DGKB: variants seen among roughly 807,000 people sequenced by gnomAD.
DGKB encodes the protein 90 kDa diacylglycerol kinase.
DGKB carries 67 observed loss-of-function variants against 114.3 expected under a neutral mutation model. That is an observed-to-expected ratio of 0.59 (90% CI 0.48 to 0.72). DGKB has a LOEUF of 0.72. DGKB is among the 30% of genes least tolerant of loss of function. DGKB has a pLI of 0.00. For synonymous variants in DGKB, 398 were observed against 323.1 expected, an observed-to-expected ratio of 1.23 and a Z score of -2.49; for missense variants, 907 against 975.2, an observed-to-expected ratio of 0.93 and a Z score of 0.93.
At chr7:14,558,315 T>C (rs763055882) in intron 20 of DGKB, among the ~76,000 whole-genome samples, 1 of 151,962 alleles carries the variant, frequency 6.6e-6, no homozygotes, top group African/African-American at 2.4e-5. Flanking sequence ...GTTCTAGAAA[T>C]GAAAGTTTAT....
chr7:14,294,556 C>T (rs1313447440), intron 23 of DGKB, among the ~76,000 whole-genome samples: 1 of 152,138 alleles, frequency 6.6e-6, no homozygotes, highest in South Asian at 2.1e-4. Flanking sequence ...GTGAGAGAAA[C>T]ATTCGGAGGA....
At chr7:14,253,056 G>A (rs1795464645) in intron 23 of DGKB, among the ~76,000 whole-genome samples, 2 of 150,842 alleles carry the variant, frequency 1.3e-5, no homozygotes, top group South Asian at 4.2e-4. Flanking sequence ...TTTTTTAGAG[G>A]GGGAGTCTCG....
At chr7:14,928,554 A>G (rs1261681168) in intron 1 of DGKB, among the ~76,000 whole-genome samples, 1 of 151,992 alleles carries the variant, frequency 6.6e-6, no homozygotes, top group Non-Finnish European at 1.5e-5. Flanking sequence ...GTTATCTGCA[A>G]TCTGTGTGCA....
intron 16 of DGKB, 139 bp downstream of exon 16, chr7:14,613,201 A>G (rs574627527): frequency 5.0e-6 from 3 of 595,114 alleles, no homozygotes; most frequent in African/African-American, 1.9e-5. Context: ...TCATATAAAC[A>G]TATTAAATGC....
intron 17 of DGKB, among the ~76,000 whole-genome samples, chr7:14,584,036 A>G (rs1448481085): frequency 6.6e-6 from 1 of 152,206 alleles, no homozygotes; most frequent in Non-Finnish European, 1.5e-5. Context: ...AATCTTTATT[A>G]CACACATATT....
chr7:14,883,277 T>TGCAAAG (rs1429375379), intron 1 of DGKB, among the ~76,000 whole-genome samples: 4 of 151,956 alleles, frequency 2.6e-5, no homozygotes, highest in Non-Finnish European at 5.9e-5. Context: ...TATATTTGTT[T>TGCAAAG]GCAAAGTTTT....
intron 1 of DGKB, among the ~76,000 whole-genome samples, chr7:14,922,622 T>C (rs1222520234): frequency 2.0e-5 from 3 of 152,124 alleles, no homozygotes; most frequent in East Asian, 1.9e-4. Flanking sequence ...CATTTCAGCA[T>C]GGTGTAGCCA....
rs558877920 is a variant in DGKB at position 14,955,755 on chromosome 7, C to T, written c.-188+18941G>A. ...CTGAAACAATGGTGCTGCTGATAAACGAAGCTGCTCTCTTTAGAGAAAACT... is the reference window on the plus strand; with the variant it reads ...CTGAAACAATGGTGCTGCTGATAAATGAAGCTGCTCTCTTTAGAGAAAACT... On this transcript the variant is annotated intron_variant, in intron 1 of 4. Transcript: ENST00000437998. Among the ~76,000 whole-genome samples, 7 of 152,136 alleles carry T rather than the reference C, an allele frequency of 4.6e-5. No homozygotes were observed. In the East Asian group the frequency reaches 9.7e-4, roughly 21 times the overall value.
At chr7:14,291,004 T>C (rs1048282052) in intron 23 of DGKB, among the ~76,000 whole-genome samples, 3 of 151,752 alleles carry the variant, frequency 2.0e-5, no homozygotes, top group African/African-American at 7.3e-5. Context: ...TAGCCAGGTG[T>C]GGTGGCACAC....
chr7:14,636,261 T>C lies in DGKB; in HGVS notation c.1135-5993A>G, dbSNP rs1033529287. Among the ~76,000 whole-genome samples, 13 of 151,900 alleles carry C rather than the reference T, an allele frequency of 8.6e-5. No individual in the cohort carries two copies. The East Asian group carries it at 2.3e-3, about 27-fold the overall frequency. ...ACAATATCAGTTCTGAGTTATAGAC[T>C]CTTTTCCCCCGACCATATAATTAGA... is the stretch of plus-strand genomic sequence containing the variant. On this transcript the variant is annotated intron_variant, in intron 13 of 25. Transcript: ENST00000402815.
chr7:14,659,098 G>A (rs954250595), intron 13 of DGKB, among the ~76,000 whole-genome samples: 7 of 151,828 alleles, frequency 4.6e-5, no homozygotes, highest in Non-Finnish European at 7.4e-5. Context: ...AGGCCCTGGT[G>A]TGTGATGTTC....
intron 20 of DGKB, among the ~76,000 whole-genome samples, chr7:14,560,149 C>G (rs1404571040): frequency 2.6e-5 from 4 of 151,788 alleles, no homozygotes; most frequent in African/African-American, 7.3e-5. Context: ...TTTAGTCTTT[C>G]TCCTCTTTTT....
intron 23 of DGKB, among the ~76,000 whole-genome samples, chr7:14,327,109 G>C (rs968676302): frequency 6.6e-6 from 1 of 152,072 alleles, no homozygotes; most frequent in African/African-American, 2.4e-5. Flanking sequence ...TTGGATAACA[G>C]AATGGCTCTT....
chr7:14,863,306 TC>T, intron 1 of DGKB, among the ~76,000 whole-genome samples: 2 of 151,812 alleles, frequency 1.3e-5, no homozygotes, highest in East Asian at 3.9e-4. Flanking sequence ...ACCATCTGTG[TC>T]TTTTATGTTT....
chr7:14,327,790 CA>C, intron 23 of DGKB, among the ~76,000 whole-genome samples: 1 of 151,966 alleles, frequency 6.6e-6, no homozygotes, highest in African/African-American at 2.4e-5. Context: ...GACATTTGGG[CA>C]AAAAAGTATT....
intron 21 of DGKB, among the ~76,000 whole-genome samples, chr7:14,463,850 G>A (rs748899693): frequency 1.1e-4 from 17 of 152,078 alleles, no homozygotes; most frequent in Non-Finnish European, 2.2e-4. Flanking sequence ...AGAGTATCTG[G>A]AACATACCCC....
In DGKB at chr7:14,785,304, C is replaced by T. The variant is rs144936505; in HGVS notation, c.71-27573G>A. On this transcript the variant is annotated intron_variant, in intron 2 of 25. Coordinates refer to ENST00000402815, the MANE Select transcript of DGKB (RefSeq NM_001350709.2). ...AGTATTTTGTAAAAAGTATAGAAAACGGCAGGCAAACTCACTAGCTCATTA... is the reference window on the plus strand; with the variant it reads ...AGTATTTTGTAAAAAGTATAGAAAATGGCAGGCAAACTCACTAGCTCATTA... 1.8e-3 allele frequency among the ~76,000 whole-genome samples: 274 copies of T among 152,006 alleles called. 5 individuals are homozygous for T. The highest frequency in any genetic ancestry group is 0.013 in the Admixed American group (195 of 15,280).
chr7:14,689,862 G>A (rs1822507319), intron 9 of DGKB, among the ~76,000 whole-genome samples: 1 of 152,108 alleles, frequency 6.6e-6, no homozygotes, highest in Non-Finnish European at 1.5e-5. Context: ...TTTCATCAGA[G>A]AACACACTGC....
intron 1 of DGKB, among the ~76,000 whole-genome samples, chr7:14,931,459 T>C (rs1442358816): frequency 2.6e-5 from 4 of 152,260 alleles, no homozygotes. Context: ...ATCTGAAATA[T>C]TGGTTTGTAG....
Sources: allele counts gnomAD v4.1 joint callset (sites outside exome capture counted in the v4.1 genomes callset), GRCh38; gene constraint gnomAD v4.1.1; transcripts MANE v1.5; gene names NCBI Gene and HGNC (gene_info 2026-07-23, HGNC 2026-07-21).